TRMT10A: variants seen among roughly 807,000 people sequenced by gnomAD.
The protein encoded by TRMT10A is tRNA methyltransferase 10 homolog A.
A neutral mutation model predicts 40.4 loss-of-function variants in TRMT10A; 37 were observed. The ratio of observed to expected loss-of-function variants is 0.92; its 90% CI spans 0.71 to 1.21. The LOEUF is 1.21. TRMT10A is among the 50% of genes most tolerant of loss of function. The pLI, the probability that TRMT10A is intolerant of heterozygous loss-of-function variation, is 0.00. For synonymous variants in TRMT10A, 103 were observed against 134.1 expected, an observed-to-expected ratio of 0.77 and a Z score of 1.60; for missense variants, 388 against 404.3, an observed-to-expected ratio of 0.96 and a Z score of 0.35.
rs1723821266 is a variant in TRMT10A, at chr4:99,548,449, A to G, written c.*639T>C. Reference sequence around the variant, plus strand: ...TTATCACCATTGTAAGAATTAAGAAAATGCATTAAAGAGATTCTCAACTCT... The same window carrying G: ...TTATCACCATTGTAAGAATTAAGAAGATGCATTAAAGAGATTCTCAACTCT... On this transcript the variant is annotated 3_prime_UTR_variant, in exon 8 of 8. Transcript: ENST00000394876. The G allele has an allele frequency of 6.6e-6, 1 of 152,164 alleles. No homozygotes were observed. The highest frequency in any genetic ancestry group is 1.5e-5 in the Non-Finnish European group (1 of 67,964). The allele number at this position is 152,164 out of a possible 1,614,324, so 9.4% of individuals were successfully genotyped here.
intron 1 of TRMT10A, among the ~76,000 whole-genome samples, chr4:99,562,199 A>ATGTGTGTGTGTGTGTTTG (rs565108332): frequency 7.2e-4 from 85 of 117,688 alleles, no homozygotes; most frequent in African/African-American, 1.8e-3. Flanking sequence ...ATATATATAT[A>ATGTGTGTGTGTGTGTTTG]TATGTGTGTG....
Position 99,562,515 on chromosome 4 carries a change from C to CTTCTTTTTTT in TRMT10A, c.-24+1397_-24+1398insAAAAAAAGAA, listed in dbSNP as rs1164312241. ...CTTGACAGCGATAGCAAAGGAATGC[C>CTTCTTTTTTT]TTTTTTTTTTTTTTTTTTTTTTTTT... On this transcript the variant is annotated intron_variant, in intron 1 of 7. Transcript: ENST00000394876. Among the ~76,000 whole-genome samples the CTTCTTTTTTT allele has an allele frequency of 3.0e-4, 23 of 76,640 alleles. 2 individuals are homozygous for CTTCTTTTTTT. The highest frequency in any genetic ancestry group is 8.9e-4 in the African/African-American group (15 of 16,806). 50.3% of individuals were successfully genotyped at this position (76,640 alleles called of 152,430 possible).
chr4:99,561,901 C>T (rs923846489), intron 1 of TRMT10A, among the ~76,000 whole-genome samples: 5 of 152,184 alleles, frequency 3.3e-5, no homozygotes, highest in African/African-American at 9.6e-5. Context: ...TGTGTGAGGT[C>T]GGGCGCAGTG....
rs904012629 is a variant in TRMT10A, at chr4:99,548,282, T to C, written c.*806A>G. ...TATTCATCTTAAGAGCCAACAAATT[T>C]AAAAAAAATATGGAAAAAAAAACCA... On this transcript the variant is annotated 3_prime_UTR_variant, in exon 8 of 8. Coordinates refer to ENST00000394876, the MANE Select transcript of TRMT10A (RefSeq NM_001134665.3). The C allele has an allele frequency of 6.6e-6, 1 of 151,196 alleles. No homozygotes were observed. 9.4% of individuals were successfully genotyped at this position (151,196 alleles called of 1,614,324 possible).
chr4:99,559,472 A>G, intron 1 of TRMT10A, 111 bp from the exon 2 acceptor site: 1 of 675,726 alleles, frequency 1.5e-6, no homozygotes, highest in Non-Finnish European at 2.4e-6. Context: ...TAGACAAATA[A>G]ATGTCATTTA....
chr4:99,556,218 A>G lies in TRMT10A; in HGVS notation c.423T>C (p.Phe141=). Residue 141 remains phenylalanine (F), a splice_region_variant and synonymous_variant, in exon 5 of 8, where the codon TTT becomes TTC. Transcript: ENST00000394876. ...GCTGGCCTCCGTGGCTTGTCAAGTA[A>G]AACTGATAAAAGATTTGTAAGTATA... ...ENRRALHPVQ[F]YLTSHGGQLK... 6.2e-7 allele frequency: 1 copy of G among 1,612,916 alleles called. No homozygotes were observed. Among genetic ancestry groups the G allele is most frequent in the Non-Finnish European group, 8.5e-7 (1 of 1,179,318 alleles).
chr4:99,560,951 ATTT>A (rs5860581), intron 1 of TRMT10A, among the ~76,000 whole-genome samples: 7 of 139,718 alleles, frequency 5.0e-5, no homozygotes, highest in Non-Finnish European at 4.6e-5. Context: ...CTATGTGAAG[ATTT>A]TTTTTTTTTT....
rs2110200132 is a variant in TRMT10A at position 99,563,934 on chromosome 4, A to G, written c.-45T>C. 1.2e-6 allele frequency: 1 copy of G among 836,834 alleles called. No individual in the cohort carries two copies. The highest frequency in any genetic ancestry group is 1.4e-5 in the South Asian group (1 of 69,210). 51.8% of individuals were successfully genotyped at this position (836,834 alleles called of 1,614,324 possible). A position where few individuals can be genotyped will look rare whatever the true frequency, so the allele number is the denominator to read the frequency against. On this transcript the variant is annotated 5_prime_UTR_variant, in exon 1 of 8. Coordinates refer to ENST00000394876, the MANE Select transcript of TRMT10A (RefSeq NM_001134665.3). ...TTACCGAGCTGAAGAGTTGACAGGGAAGTGAAATCTCAGAAAGAAAGCCTT... is the reference window on the plus strand; with the variant it reads ...TTACCGAGCTGAAGAGTTGACAGGGGAGTGAAATCTCAGAAAGAAAGCCTT...
At chr4:99,556,010 C>T in intron 5 of TRMT10A, 136 bp downstream of exon 5, 1 of 711,662 alleles carries the variant, frequency 1.4e-6, no homozygotes, top group Admixed American at 3.4e-5. Context: ...GATTTGTAAT[C>T]TTAGACTTAG....
rs1282549269 is a variant in TRMT10A at position 99,557,350 on chromosome 4, C to G, written c.415G>C (p.Val139Leu). 4 of 1,613,120 alleles carry G rather than the reference C, an allele frequency of 2.5e-6. No homozygotes were observed. The highest frequency in any genetic ancestry group is 1.3e-5 in the African/African-American group (1 of 74,988). The stretch of plus-strand genomic sequence containing the variant: ...TTTAAAATCTTTACACATACCTGCA[C>G]AGGATGCAGTGCCCGTCGGTTTTCT... ...YAENRRALHPVQFYLTSHGGQ... is the reference protein window; with the variant it reads ...YAENRRALHPLQFYLTSHGGQ... Residue 139 changes from valine to leucine, a missense_variant, in exon 4 of 8, where the codon GTG (valine) becomes CTG (leucine). Physicochemically the swap from Val to Leu is conservative, Grantham distance 32. Transcript: ENST00000394876.
chr4:99,557,134 C>T (rs1008138330), intron 4 of TRMT10A, among the ~76,000 whole-genome samples: 1 of 152,142 alleles, frequency 6.6e-6, no homozygotes, highest in Non-Finnish European at 1.5e-5. Flanking sequence ...TTGTATAAGA[C>T]TGATGATTAC....
intron 6 of TRMT10A, among the ~76,000 whole-genome samples, chr4:99,552,888 T>TGG (rs367702691): frequency 6.7e-6 from 1 of 148,524 alleles, no homozygotes; most frequent in African/African-American, 2.5e-5. Flanking sequence ...GCATACTTGG[T>TGG]GGGGGGGGGA....
Position 99,559,233 on chromosome 4 carries a change from C to A in TRMT10A, c.106G>T (p.Gly36Trp). ...EESQKPRLGE[G>W]CEPISKRQMK... is the part of the protein sequence containing the mutation. The stretch of plus-strand genomic sequence containing the variant: ...TGTCGTTTAGATATTGGTTCACACC[C>A]TTCACCTAATCTTGGCTTCTGGCTC... Residue 36 changes from glycine to tryptophan, a missense_variant, in exon 2 of 8, where the codon GGG becomes TGG. By Grantham distance (184) the Gly-to-Trp change is radical (BLOSUM62 -2). Coordinates refer to ENST00000394876, the MANE Select transcript of TRMT10A (RefSeq NM_001134665.3). The A allele has an allele frequency of 6.2e-7, 1 of 1,613,704 alleles. No homozygotes were observed. Among genetic ancestry groups the A allele is most frequent in the Non-Finnish European group, 8.5e-7 (1 of 1,179,716 alleles).
Position 99,559,150 on chromosome 4 carries a change from A to C in TRMT10A, c.185+4T>G. On this transcript the variant is annotated splice_donor_region_variant and intron_variant, in intron 2 of 7. Coordinates refer to ENST00000394876, the MANE Select transcript of TRMT10A (RefSeq NM_001134665.3). ...AGAGAGCATATACATTTTGAAACAC[A>C]TACTTGCGGAGTTCCCGTTGCTCTT... 3.7e-6 allele frequency: 6 copies of C among 1,608,942 alleles called. No homozygotes were observed. The highest frequency in any genetic ancestry group is 5.1e-6 in the Non-Finnish European group (6 of 1,177,012).
intron 1 of TRMT10A, chr4:99,563,712 G>T (rs1465901049): frequency 5.3e-6 from 2 of 379,730 alleles, no homozygotes; most frequent in Non-Finnish European, 1.0e-5. Context: ...GAACCAGGGA[G>T]CAGCTGGGTA....
chr4:99,560,673 A>C (rs1453094779), intron 1 of TRMT10A, among the ~76,000 whole-genome samples: 1 of 152,206 alleles, frequency 6.6e-6, no homozygotes, highest in Admixed American at 6.5e-5. Flanking sequence ...CTAGATGGAA[A>C]AAAATTAAAA....
At position 99,563,950 on chromosome 4, in the gene TRMT10A, A is replaced by C; in HGVS notation, c.-61T>G. 1 of 991,712 alleles carries C rather than the reference A, an allele frequency of 1.0e-6. No individual in the cohort carries two copies. Among genetic ancestry groups the C allele is most frequent in the Non-Finnish European group, 1.5e-6 (1 of 651,604 alleles). The allele number at this position is 991,712 out of a possible 1,614,324, so 61.4% of individuals were successfully genotyped here. ...TTGACAGGGAAGTGAAATCTCAGAA[A>C]GAAAGCCTTTCTGGGTTGGCCTGGT... On this transcript the variant is annotated 5_prime_UTR_variant, in exon 1 of 8. Coordinates refer to ENST00000394876, the MANE Select transcript of TRMT10A (RefSeq NM_001134665.3).
chr4:99,556,122 T>G lies in TRMT10A; in HGVS notation c.495+24A>C, dbSNP rs771495671. On this transcript the variant is annotated intron_variant, in intron 5 of 7. Coordinates refer to ENST00000394876, the MANE Select transcript of TRMT10A (RefSeq NM_001134665.3). ...AAACATAAAAATACTTGGAATTATG[T>G]GAGAGTTTATCTGTTTTAATTACCT... 8.1e-6 allele frequency: 13 copies of G among 1,603,318 alleles called. No individual in the cohort carries two copies. In the Admixed American group the frequency reaches 1.8e-4, roughly 23 times the overall value.
intron 1 of TRMT10A, among the ~76,000 whole-genome samples, chr4:99,562,244 T>C (rs1724441726): frequency 6.9e-6 from 1 of 145,020 alleles, no homozygotes; most frequent in African/African-American, 2.6e-5. Flanking sequence ...TACTCCTGCA[T>C]AAAATTTTAA....
Sources: gnomAD v4.1 joint callset for allele counts (sites outside exome capture counted in the v4.1 genomes callset) on GRCh38, gnomAD v4.1.1 for gene constraint, MANE v1.5 for transcripts, NCBI Gene and HGNC (gene_info 2026-07-23, HGNC 2026-07-21) for gene names.